The following DPYD variants were observed in gnomAD, a reference collection of about 807,000 sequenced individuals.
The protein encoded by DPYD is dihydropyrimidine dehydrogenase.
DPYD carries 109 observed loss-of-function variants against 116.2 expected under a neutral mutation model. The ratio of observed to expected loss-of-function variants is 0.94; its 90% CI spans 0.80 to 1.10. DPYD has a LOEUF of 1.10. DPYD is among the 50% of genes least tolerant of loss of function. The pLI, the probability that DPYD is intolerant of heterozygous loss-of-function variation, is 0.00. For missense variants in DPYD, 1,302 were observed against 1,254.5 expected (o/e 1.04, Z -0.57); for synonymous variants, 440 against 432.0 (o/e 1.02, Z -0.23).
chr1:97,140,622 T>C (rs995376329), intron 20 of DPYD, among the ~76,000 whole-genome samples: 2 of 152,064 alleles, frequency 1.3e-5, no homozygotes, highest in African/African-American at 4.8e-5. Context: ...CATGGAGAAG[T>C]GGAGAAGAAG....
At chr1:97,832,617 A>C (rs1021554682) in intron 2 of DPYD, among the ~76,000 whole-genome samples, 1 of 152,280 alleles carries the variant, frequency 6.6e-6, no homozygotes, top group African/African-American at 2.4e-5. Flanking sequence ...TGACAAATAT[A>C]ATGAGCAATT....
intron 3 of DPYD, among the ~76,000 whole-genome samples, chr1:97,752,217 A>C (rs1222838322): frequency 2.2e-4 from 34 of 151,854 alleles, no homozygotes; most frequent in Admixed American, 2.2e-3. Context: ...CATCCATACA[A>C]GTTTATTTGG....
At chr1:97,153,529 C>T (rs1655186881) in intron 20 of DPYD, among the ~76,000 whole-genome samples, 1 of 152,008 alleles carries the variant, frequency 6.6e-6, no homozygotes, top group South Asian at 2.1e-4. Context: ...AATCTAAGAC[C>T]TGAAGCCATA....
At chr1:97,255,506 C>G (rs10875060) in intron 18 of DPYD, among the ~76,000 whole-genome samples, 10 of 151,924 alleles carry the variant, frequency 6.6e-5, no homozygotes, top group Admixed American at 1.3e-4. Flanking sequence ...TGCACAAGTT[C>G]TCTCTCTTTG....
chr1:97,221,661 A>G lies in DPYD; in HGVS notation c.2442+13191T>C, dbSNP rs1455159888. ...TTGAAAAAATTTTAAAACAAATATC[A>G]AAGTGTATACATCAAAATGAAGTGG... On this transcript the variant is annotated intron_variant, in intron 19 of 22. Coordinates refer to ENST00000370192, the MANE Select transcript of DPYD (RefSeq NM_000110.4). Among the ~76,000 whole-genome samples the G allele has an allele frequency of 3.3e-5, 5 of 152,104 alleles. No individual in the cohort carries two copies. In the South Asian group the frequency reaches 6.2e-4, roughly 19 times the overall value.
Position 97,920,897 on chromosome 1 carries a change from G to T in DPYD, c.26C>A (p.Ser9Ter). 6.3e-7 allele frequency: 1 copy of T among 1,593,904 alleles called. No individual in the cohort carries two copies. Residue 9 changes from serine to a stop codon, truncating the protein, a stop_gained, in exon 1 of 23, where the codon TCG becomes TAG. Transcript: ENST00000370192. LOFTEE classifies it high-confidence loss of function. MAPVLSKD[S>*]ADIESILALN... ...CGAAGTCCGTACCTCGATGTCCGCC[G>T]AGTCCTTACTGAGCACAGGGGCCAT...
intron 14 of DPYD, among the ~76,000 whole-genome samples, chr1:97,432,174 G>A (rs2101733196): frequency 6.6e-6 from 1 of 152,158 alleles, no homozygotes. Context: ...AAACATGAGG[G>A]TGCAGATATC....
At chr1:97,826,888 G>GT in intron 3 of DPYD, among the ~76,000 whole-genome samples, 1 of 151,986 alleles carries the variant, frequency 6.6e-6, no homozygotes, top group Non-Finnish European at 1.5e-5. Flanking sequence ...GCTCCAGCTG[G>GT]TAATTTCTCA....
At chr1:97,108,099 A>T (rs985110705) in intron 20 of DPYD, among the ~76,000 whole-genome samples, 2 of 152,136 alleles carry the variant, frequency 1.3e-5, no homozygotes, top group African/African-American at 4.8e-5. Context: ...AGCTGCTGAG[A>T]AAACGATTAG....
At position 97,098,493 on chromosome 1, in the gene DPYD, A is replaced by G. The variant is rs771930534; in HGVS notation, c.2762T>C (p.Ile921Thr). The change falls in exon 21 of 23, where the codon ATC becomes ACC. Residue 921 changes from isoleucine to threonine, a missense_variant. By Grantham distance (89) the Ile-to-Thr change is moderately conservative. Transcript: ENST00000370192. ...TATAGTTGGCATAATTTTTACCTTG[A>G]TGGTAGGAATAGGCCTTTTGGGGAT... Reference protein sequence around the residue: ...CFIPKRPIPTIKDVIGKALQY... With the variant: ...CFIPKRPIPTTKDVIGKALQY... The G allele has an allele frequency of 8.7e-6, 14 of 1,612,704 alleles. No individual in the cohort carries two copies. Among genetic ancestry groups the G allele is most frequent in the Non-Finnish European group, 1.2e-5 (14 of 1,179,186 alleles).
intron 16 of DPYD, among the ~76,000 whole-genome samples, chr1:97,354,118 A>T (rs1670290247): frequency 6.6e-6 from 1 of 152,248 alleles, no homozygotes; most frequent in Non-Finnish European, 1.5e-5. Flanking sequence ...CTGCTAAACA[A>T]AAAGCACGGC....
At chr1:97,756,370 A>G (rs1005983332) in intron 3 of DPYD, among the ~76,000 whole-genome samples, 10 of 152,152 alleles carry the variant, frequency 6.6e-5, no homozygotes, top group Admixed American at 3.3e-4. Context: ...AGGGAGGCCA[A>G]TGAGTCTCCC....
intron 16 of DPYD, among the ~76,000 whole-genome samples, chr1:97,313,851 G>A (rs565627254): frequency 1.3e-5 from 2 of 151,870 alleles, no homozygotes; most frequent in African/African-American, 4.8e-5. Context: ...CTTTCTACTA[G>A]ACTATTAGTC....
chr1:97,121,426 T>C (rs1652421847), intron 20 of DPYD, among the ~76,000 whole-genome samples: 1 of 152,138 alleles, frequency 6.6e-6, no homozygotes, highest in Non-Finnish European at 1.5e-5. Context: ...TTATTATCTA[T>C]CCCCATTCCA....
chr1:97,147,468 G>A (rs901820722), intron 20 of DPYD, among the ~76,000 whole-genome samples: 2 of 152,180 alleles, frequency 1.3e-5, no homozygotes, highest in Non-Finnish European at 2.9e-5. Flanking sequence ...TGGTCAAGAA[G>A]TATCACTGAA....
At chr1:97,148,593 T>C (rs1654799699) in intron 20 of DPYD, among the ~76,000 whole-genome samples, 1 of 152,184 alleles carries the variant, frequency 6.6e-6, no homozygotes, top group Admixed American at 6.5e-5. Context: ...ATTTATCTTC[T>C]AAATGGGATT....
At chr1:97,278,854 C>T (rs1013264674) in intron 18 of DPYD, among the ~76,000 whole-genome samples, 1 of 151,972 alleles carries the variant, frequency 6.6e-6, no homozygotes, top group African/African-American at 2.4e-5. Flanking sequence ...GATATATATG[C>T]ACACTCTAAC....
At chr1:97,536,486 G>C (rs890762239) in intron 12 of DPYD, among the ~76,000 whole-genome samples, 6 of 152,170 alleles carry the variant, frequency 3.9e-5, no homozygotes, top group African/African-American at 1.4e-4. Context: ...GAAAGGTTTA[G>C]AGAAGAAGAA....
chr1:97,233,044 CTTGG>C (rs1661680292), intron 19 of DPYD, among the ~76,000 whole-genome samples: 1 of 152,090 alleles, frequency 6.6e-6, no homozygotes. Flanking sequence ...GCTAGCTTTC[CTTGG>C]TGTCAGTCTG....
Sources: allele counts gnomAD v4.1 joint callset (sites outside exome capture counted in the v4.1 genomes callset), GRCh38; gene constraint gnomAD v4.1.1; transcripts MANE v1.5; gene names NCBI Gene and HGNC (gene_info 2026-07-23, HGNC 2026-07-21).